ERC2: variants seen among roughly 807,000 people sequenced by gnomAD.
ERC2 encodes the protein ERC protein 2.
ERC2 carries 42 observed loss-of-function variants against 114.8 expected under a neutral mutation model. That is an observed-to-expected ratio of 0.37 (90% CI 0.29 to 0.47). The LOEUF is 0.47. ERC2 is among the 20% of genes least tolerant of loss of function. The pLI is 0.99. For missense variants in ERC2, 939 were observed against 1,150.7 expected (o/e 0.82, Z 2.66); for synonymous variants, 454 against 425.5 (o/e 1.07, Z -0.82).
At chr3:56,268,208 C>T (rs1260825280) in intron 3 of ERC2, among the ~76,000 whole-genome samples, 1 of 152,098 alleles carries the variant, frequency 6.6e-6, no homozygotes, top group Non-Finnish European at 1.5e-5. Flanking sequence ...TTACAATTGC[C>T]TACAATATTC....
intron 13 of ERC2, among the ~76,000 whole-genome samples, chr3:55,895,155 AT>A (rs2063783826): frequency 6.6e-6 from 1 of 152,224 alleles, no homozygotes; most frequent in Admixed American, 6.5e-5. Flanking sequence ...CCTTAGGCCA[AT>A]CTTAACCCAA....
At chr3:56,375,243 G>A (rs1216878642) in intron 2 of ERC2, among the ~76,000 whole-genome samples, 1 of 152,220 alleles carries the variant, frequency 6.6e-6, no homozygotes, top group South Asian at 2.1e-4. Flanking sequence ...GAGCGGGAAA[G>A]GGATGAAGAT....
chr3:56,382,509 T>C (rs939265831), intron 2 of ERC2, among the ~76,000 whole-genome samples: 6 of 152,180 alleles, frequency 3.9e-5, no homozygotes, highest in African/African-American at 1.4e-4. Flanking sequence ...ATGTCATTAG[T>C]GACCTGAATA....
Position 55,922,254 on chromosome 3 carries a change from T to A in ERC2, c.2403+28171A>T, listed in dbSNP as rs532135617. ...CGTTTCTAACAAAACCAACTCAAAC[T>A]TTGCTTCACTAAAATATAGCCACCC... On this transcript the variant is annotated intron_variant, in intron 13 of 17. Transcript: ENST00000288221. 9.2e-5 allele frequency among the ~76,000 whole-genome samples: 14 copies of A among 152,164 alleles called. 1 individual carries two copies. In the South Asian group the frequency reaches 1.5e-3, roughly 16 times the overall value.
intron 2 of ERC2, among the ~76,000 whole-genome samples, chr3:56,353,178 T>G (rs1340812282): frequency 6.6e-6 from 1 of 152,062 alleles, no homozygotes; most frequent in East Asian, 1.9e-4. Context: ...AGACCTGCTT[T>G]CTTACCTCCT....
At chr3:55,722,462 G>A (rs1005784735) in intron 15 of ERC2, among the ~76,000 whole-genome samples, 2 of 152,250 alleles carry the variant, frequency 1.3e-5, no homozygotes, top group East Asian at 3.9e-4. Context: ...CAGGGTATCT[G>A]TGGAACACCC....
At chr3:55,753,421 C>T (rs1452689877) in intron 14 of ERC2, among the ~76,000 whole-genome samples, 12 of 152,172 alleles carry the variant, frequency 7.9e-5, no homozygotes, top group Admixed American at 7.9e-4. Context: ...GAAGATCCCC[C>T]ACAGGAAAGC....
intron 14 of ERC2, among the ~76,000 whole-genome samples, chr3:55,758,831 G>A (rs2067229740): frequency 6.6e-6 from 1 of 152,156 alleles, no homozygotes; most frequent in African/African-American, 2.4e-5. Context: ...GAAGGTGAAT[G>A]GATCAAATAC....
At chr3:55,573,335 T>G (rs2056818242) in intron 17 of ERC2, among the ~76,000 whole-genome samples, 1 of 152,234 alleles carries the variant, frequency 6.6e-6, no homozygotes, top group East Asian at 1.9e-4. Context: ...AGATGATGCA[T>G]TTAGCATGAA....
At chr3:55,757,228 C>A (rs1169265085) in intron 14 of ERC2, among the ~76,000 whole-genome samples, 1 of 152,096 alleles carries the variant, frequency 6.6e-6, no homozygotes, top group Non-Finnish European at 1.5e-5. Context: ...CTTTAATGAG[C>A]AACTCTGTAA....
At chr3:56,177,343 T>C (rs963604280) in intron 3 of ERC2, among the ~76,000 whole-genome samples, 1 of 152,228 alleles carries the variant, frequency 6.6e-6, no homozygotes, top group Non-Finnish European at 1.5e-5. Context: ...ATCTGAGCGA[T>C]GCACCCATTA....
intron 4 of ERC2, among the ~76,000 whole-genome samples, chr3:56,172,030 C>A (rs1395907387): frequency 3.1e-5 from 4 of 130,290 alleles, no homozygotes; most frequent in Non-Finnish European, 7.0e-5. Flanking sequence ...TTCATTTTTC[C>A]TCTTTTTTTT....
intron 14 of ERC2, among the ~76,000 whole-genome samples, chr3:55,790,357 A>G (rs1049304839): frequency 6.6e-6 from 1 of 152,130 alleles, no homozygotes; most frequent in Admixed American, 6.5e-5. Flanking sequence ...ATTCTCCTGT[A>G]GCCCCCCACA....
chr3:55,986,092 T>G (rs1009894735), intron 11 of ERC2, 104 bp from the exon 12 acceptor site: 6 of 1,071,596 alleles, frequency 5.6e-6, no homozygotes, highest in East Asian at 2.6e-5. Context: ...TTTAAACATA[T>G]AGCCAACAGA....
chr3:55,731,433 T>C (rs2065247158), intron 15 of ERC2, among the ~76,000 whole-genome samples: 1 of 152,222 alleles, frequency 6.6e-6, no homozygotes, highest in Non-Finnish European at 1.5e-5. Context: ...GAAGCACCTA[T>C]TATGTGCCAG....
At chr3:55,728,031 G>T (rs1367944076) in intron 15 of ERC2, among the ~76,000 whole-genome samples, 1 of 152,060 alleles carries the variant, frequency 6.6e-6, no homozygotes, top group Non-Finnish European at 1.5e-5. Context: ...GAATTATGAG[G>T]CTAAGTCTTA....
At chr3:55,596,713 TG>T (rs1486912657) in intron 17 of ERC2, among the ~76,000 whole-genome samples, 1 of 152,078 alleles carries the variant, frequency 6.6e-6, no homozygotes, top group Non-Finnish European at 1.5e-5. Context: ...GGAACAGAAA[TG>T]TAAAGGCAAG....
chr3:55,586,367 G>A (rs1400231517), intron 17 of ERC2, among the ~76,000 whole-genome samples: 1 of 152,212 alleles, frequency 6.6e-6, no homozygotes, highest in Non-Finnish European at 1.5e-5. Flanking sequence ...AAATAGTTTA[G>A]TGTAACTTTA....
chr3:55,872,506 T>C (rs2062630886), intron 14 of ERC2, among the ~76,000 whole-genome samples: 1 of 152,140 alleles, frequency 6.6e-6, no homozygotes, highest in South Asian at 2.1e-4. Flanking sequence ...TCTCAACAAA[T>C]GAAAGCCTGC....
Sources: allele counts gnomAD v4.1 joint callset (sites outside exome capture counted in the v4.1 genomes callset), GRCh38; gene constraint gnomAD v4.1.1; transcripts MANE v1.5; gene names NCBI Gene and HGNC (gene_info 2026-07-23, HGNC 2026-07-21).